SBF2: variants seen among roughly 807,000 people sequenced by gnomAD.
SBF2 encodes the protein SET binding factor 2.
Under a neutral mutation model 225.2 loss-of-function variants are expected in SBF2, and 112 were observed. The observed-to-expected ratio is 0.50, with a 90% confidence interval of 0.43 to 0.58. SBF2 has a LOEUF of 0.58. SBF2 is among the 20% of genes least tolerant of loss of function. The pLI, the probability that SBF2 is intolerant of heterozygous loss-of-function variation, is 0.00. For synonymous variants in SBF2, 763 were observed against 773.3 expected, an observed-to-expected ratio of 0.99 and a Z score of 0.22; for missense variants, 1,996 against 2,206.2, an observed-to-expected ratio of 0.90 and a Z score of 1.91.
chr11:9,850,343 A>G (rs1856835534), intron 21 of SBF2, 125 bp from the exon 22 acceptor site: 1 of 861,372 alleles, frequency 1.2e-6, no homozygotes, highest in Non-Finnish European at 1.9e-6. Context: ...GCAGCATCAA[A>G]CTCCTGGGCT....
At chr11:9,957,147 C>G (rs1293429960) in intron 16 of SBF2, 1 of 152,204 alleles carries the variant, frequency 6.6e-6, no homozygotes, top group East Asian at 1.9e-4. Flanking sequence ...CCTCTAAACC[C>G]ATGTGGACAA....
rs533938959 is a variant in SBF2 at position 9,934,528 on chromosome 11, C to A, written c.1860+27429G>T. 2.0e-5 allele frequency among the ~76,000 whole-genome samples: 3 copies of A among 152,274 alleles called. No homozygotes were observed. The East Asian group carries it at 5.8e-4, about 29-fold the overall frequency. ...AAAAAGAGAATTTTAGATCAATATCCCTGATGAACATCAATGTGAAAATCC... is the reference window on the plus strand; with the variant it reads ...AAAAAGAGAATTTTAGATCAATATCACTGATGAACATCAATGTGAAAATCC... On this transcript the variant is annotated intron_variant, in intron 16 of 39. Coordinates refer to ENST00000256190, the MANE Select transcript of SBF2 (RefSeq NM_030962.4).
rs1039696733 is a variant in SBF2 at position 9,833,699 on chromosome 11, C to T, written c.3456-1279G>A. On this transcript the variant is annotated intron_variant, in intron 26 of 39. Coordinates refer to ENST00000256190, the MANE Select transcript of SBF2 (RefSeq NM_030962.4). ...CCTCCCAAAGTGCTGGGATTACAGG[C>T]ATGAGCCACCGTGCCCAGCTGGTGA... is the stretch of plus-strand genomic sequence containing the variant. Among the ~76,000 whole-genome samples, 247 of 151,918 alleles carry T rather than the reference C, an allele frequency of 1.6e-3. 2 individuals are homozygous for T. The highest frequency in any genetic ancestry group is 5.9e-4 in the Non-Finnish European group (40 of 67,958).
chr11:10,173,335 T>C (rs923803540), intron 2 of SBF2, among the ~76,000 whole-genome samples: 5 of 152,190 alleles, frequency 3.3e-5, no homozygotes, highest in East Asian at 1.9e-4. Flanking sequence ...GGGCAAGGCA[T>C]TGCCTCACTC....
At chr11:9,948,154 C>T (rs1054517438) in intron 16 of SBF2, among the ~76,000 whole-genome samples, 1 of 151,446 alleles carries the variant, frequency 6.6e-6, no homozygotes, top group Non-Finnish European at 1.5e-5. Flanking sequence ...GTTAAATCAG[C>T]AAGTCACAAA....
intron 1 of SBF2, among the ~76,000 whole-genome samples, chr11:10,205,366 T>C (rs1433518350): frequency 6.6e-6 from 1 of 151,980 alleles, no homozygotes; most frequent in African/African-American, 2.4e-5. Flanking sequence ...TTTTTCTTGC[T>C]CTTCCCCACT....
intron 5 of SBF2, among the ~76,000 whole-genome samples, chr11:10,029,138 G>A (rs1949158894): frequency 1.3e-5 from 2 of 152,096 alleles, no homozygotes; most frequent in South Asian, 4.1e-4. Flanking sequence ...ATAAGAATAA[G>A]CAAAATAAAT....
intron 14 of SBF2, among the ~76,000 whole-genome samples, chr11:9,967,133 A>T (rs2134380865): frequency 6.6e-6 from 1 of 152,326 alleles, no homozygotes; most frequent in East Asian, 1.9e-4. Flanking sequence ...GGACTTTGGG[A>T]GGCCGAGGAG....
chr11:9,943,614 G>A (rs1483815566), intron 16 of SBF2, among the ~76,000 whole-genome samples: 1 of 152,036 alleles, frequency 6.6e-6, no homozygotes, highest in Non-Finnish European at 1.5e-5. Context: ...CAAAGCCAAT[G>A]AACATGAAAA....
intron 17 of SBF2, among the ~76,000 whole-genome samples, chr11:9,894,548 G>T (rs1426232437): frequency 2.0e-5 from 3 of 151,774 alleles, no homozygotes; most frequent in Non-Finnish European, 2.9e-5. Context: ...GCTGGGTGTG[G>T]TGGTGTGTGC....
chr11:10,161,332 C>G lies in SBF2; in HGVS notation c.141+32570G>C, dbSNP rs904625897. ...ACTCTACTCCTAATAGGGTATGAAG[C>G]CTCACAGTGTTTGCCAGTTATACTG... On this transcript the variant is annotated intron_variant, in intron 2 of 39. Transcript: ENST00000256190. Among the ~76,000 whole-genome samples, 7 of 152,176 alleles carry G rather than the reference C, an allele frequency of 4.6e-5. No homozygotes were observed. The South Asian group carries it at 1.5e-3, about 32-fold the overall frequency.
At chr11:10,250,374 C>T (rs556902038) in intron 1 of SBF2, among the ~76,000 whole-genome samples, 2 of 152,318 alleles carry the variant, frequency 1.3e-5, no homozygotes, top group South Asian at 2.1e-4. Context: ...AGAACCAGGA[C>T]AGCTGCCTTG....
intron 2 of SBF2, among the ~76,000 whole-genome samples, chr11:10,051,837 T>C (rs1353433568): frequency 3.3e-5 from 5 of 152,088 alleles, no homozygotes; most frequent in Non-Finnish European, 5.9e-5. Context: ...TAAGCAATAA[T>C]AGATTTGGGA....
At chr11:10,040,411 T>C (rs1001300132) in intron 3 of SBF2, among the ~76,000 whole-genome samples, 2 of 151,820 alleles carry the variant, frequency 1.3e-5, no homozygotes, top group East Asian at 1.9e-4. Flanking sequence ...ATAAGAAACA[T>C]TGTATTAAAA....
At chr11:9,807,282 A>C (rs1229301517) in intron 32 of SBF2, among the ~76,000 whole-genome samples, 1 of 152,144 alleles carries the variant, frequency 6.6e-6, no homozygotes, top group Non-Finnish European at 1.5e-5. Flanking sequence ...TCTGTATCTG[A>C]TGTGCCTGCG....
At chr11:10,025,369 T>A (rs1949013711) in intron 6 of SBF2, among the ~76,000 whole-genome samples, 1 of 152,050 alleles carries the variant, frequency 6.6e-6, no homozygotes. Flanking sequence ...ACTCAAATTA[T>A]GAGAGCTTTA....
chr11:9,896,911 G>A (rs1254991490), intron 16 of SBF2, among the ~76,000 whole-genome samples: 1 of 152,092 alleles, frequency 6.6e-6, no homozygotes, highest in Non-Finnish European at 1.5e-5. Flanking sequence ...AATCTCAGTG[G>A]GAAGGTAAAA....
rs145601356 is a variant in SBF2, at chr11:9,927,567, A to C, written c.1861-31556T>G. On this transcript the variant is annotated intron_variant, in intron 16 of 39. Transcript: ENST00000256190. ...AGTCCTCTGTCTCTAATAAAATAAAAAATTAAATAAAAAAATAAAAAATAC... is the reference window on the plus strand; with the variant it reads ...AGTCCTCTGTCTCTAATAAAATAAACAATTAAATAAAAAAATAAAAAATAC... Among the ~76,000 whole-genome samples the C allele has an allele frequency of 4.9e-4, 75 of 152,280 alleles. No individual in the cohort carries two copies. In the Middle Eastern group the frequency reaches 0.01, roughly 21 times the overall value.
At chr11:9,796,471 A>C (rs2133873463) in intron 32 of SBF2, among the ~76,000 whole-genome samples, 1 of 152,346 alleles carries the variant, frequency 6.6e-6, no homozygotes, top group East Asian at 1.9e-4. Flanking sequence ...TTCTTACAGA[A>C]GTTTGGCAAT....
Sources: gnomAD v4.1 joint callset for allele counts (sites outside exome capture counted in the v4.1 genomes callset) on GRCh38, gnomAD v4.1.1 for gene constraint, MANE v1.5 for transcripts, NCBI Gene and HGNC (gene_info 2026-07-23, HGNC 2026-07-21) for gene names.